RALGPS2: variants seen among roughly 807,000 people sequenced by gnomAD.
RALGPS2 encodes the protein Ral GEF with PH domain and SH3 binding motif 2.
Under a neutral mutation model 86.8 loss-of-function variants are expected in RALGPS2, and 43 were observed. The ratio of observed to expected loss-of-function variants is 0.50; its 90% CI spans 0.39 to 0.64. The LOEUF is 0.64. Among genes scored for constraint, RALGPS2 ranks in the 30% least tolerant of loss-of-function variants. The pLI, the probability that RALGPS2 is intolerant of heterozygous loss-of-function variation, is 0.00. For synonymous variants in RALGPS2, 243 were observed against 231.3 expected (o/e 1.05, Z -0.46); for missense variants, 536 against 694.6 (o/e 0.77, Z 2.57).
intron 4 of RALGPS2, among the ~76,000 whole-genome samples, chr1:178,794,833 A>G (rs543574140): frequency 6.6e-6 from 1 of 152,308 alleles, no homozygotes; most frequent in South Asian, 2.1e-4. Flanking sequence ...GAGGGTCTCA[A>G]GTATTCATAA....
chr1:178,793,858 A>G (rs1242169912), intron 4 of RALGPS2, among the ~76,000 whole-genome samples: 1 of 152,142 alleles, frequency 6.6e-6, no homozygotes, highest in African/African-American at 2.4e-5. Context: ...TTCTACAGAA[A>G]CAGGAGTTTT....
intron 1 of RALGPS2, chr1:178,747,282 G>C: frequency 6.6e-7 from 1 of 1,518,486 alleles, no homozygotes; most frequent in Admixed American, 1.7e-5. Flanking sequence ...AATGAAGCTG[G>C]TGATTGAGGG....
chr1:178,746,807 C>T, intron 1 of RALGPS2: 1 of 1,036,982 alleles, frequency 9.6e-7, no homozygotes, highest in South Asian at 1.3e-5. Context: ...CCGTAGAACA[C>T]TCTCATTGTT....
intron 4 of RALGPS2, among the ~76,000 whole-genome samples, chr1:178,797,986 A>T (rs1466873469): frequency 1.4e-4 from 6 of 42,848 alleles, no homozygotes; most frequent in Admixed American, 3.3e-4. Context: ...AACAATTTGT[A>T]AAAAAAAAAA....
intron 4 of RALGPS2, among the ~76,000 whole-genome samples, chr1:178,804,649 T>C (rs1463656500): frequency 2.8e-5 from 2 of 72,258 alleles, no homozygotes; most frequent in Non-Finnish European, 5.3e-5. Flanking sequence ...GGTGTATATG[T>C]GCCACATTTT....
intron 6 of RALGPS2, among the ~76,000 whole-genome samples, chr1:178,819,249 G>T (rs7519150): frequency 0.054 from 8,195 of 152,098 alleles, 770 homozygotes; most frequent in African/African-American, 0.19. Context: ...TGCCTCAGCC[G>T]CCGGAAGTGC....
In RALGPS2 at chr1:178,917,245, C is replaced by T. The variant is rs997064446; in HGVS notation, c.*886C>T. 1 of 152,102 alleles carries T rather than the reference C, an allele frequency of 6.6e-6. No homozygotes were observed. Among genetic ancestry groups the T allele is most frequent in the East Asian group, 1.9e-4 (1 of 5,198 alleles). 9.4% of individuals were successfully genotyped at this position (152,102 alleles called of 1,614,324 possible). A position where few individuals can be genotyped will look rare whatever the true frequency, so the allele number is the denominator to read the frequency against. ...CAACCTAAACTTTTCTGAGATTTTA[C>T]AATAATTAGATCTTTTTCCAAGTTA... is the stretch of plus-strand genomic sequence containing the variant. On this transcript the variant is annotated 3_prime_UTR_variant, in exon 20 of 20. Coordinates refer to ENST00000367635, the MANE Select transcript of RALGPS2 (RefSeq NM_152663.5).
rs192494926 is a variant in RALGPS2, at chr1:178,755,088, A to C, written c.-83-21594A>C. Among the ~76,000 whole-genome samples, 560 of 152,302 alleles carry C rather than the reference A, an allele frequency of 3.7e-3. 5 individuals carry two copies. Among genetic ancestry groups the C allele is most frequent in the African/African-American group, 0.012 (507 of 41,576 alleles). Reference sequence around the variant, plus strand: ...GTGCTGAGATTACAGGCATGAGCCAAAGTGCCCGGCCAGTTCACCAGTTTT... The same window carrying C: ...GTGCTGAGATTACAGGCATGAGCCACAGTGCCCGGCCAGTTCACCAGTTTT... On this transcript the variant is annotated intron_variant, in intron 1 of 19. Coordinates refer to ENST00000367635, the MANE Select transcript of RALGPS2 (RefSeq NM_152663.5).
At chr1:178,882,957 G>A (rs1659322955) in intron 10 of RALGPS2, among the ~76,000 whole-genome samples, 1 of 152,190 alleles carries the variant, frequency 6.6e-6, no homozygotes, top group Non-Finnish European at 1.5e-5. Context: ...TAATACATAT[G>A]AAAGTTTCTG....
intron 1 of RALGPS2, among the ~76,000 whole-genome samples, chr1:178,755,950 A>G (rs1651938815): frequency 6.6e-6 from 1 of 152,162 alleles, no homozygotes; most frequent in Admixed American, 6.6e-5. Flanking sequence ...GATGTTGAAC[A>G]TTTTTATATG....
chr1:178,760,768 GT>G (rs112394366), intron 1 of RALGPS2, among the ~76,000 whole-genome samples: 6,495 of 152,052 alleles, frequency 0.043, 486 homozygotes, highest in African/African-American at 0.15. Context: ...ATATGCCTTG[GT>G]GATGTTCATT....
Position 178,838,150 on chromosome 1 carries a change from C to T in RALGPS2, c.607+4600C>T, listed in dbSNP as rs571452098. Reference sequence around the variant, plus strand: ...AGAAACCTCTGCAGACTTAAATGTCCCTGTCTGACAGCTTTGAAGAGAGTA... The same window carrying T: ...AGAAACCTCTGCAGACTTAAATGTCTCTGTCTGACAGCTTTGAAGAGAGTA... On this transcript the variant is annotated intron_variant, in intron 8 of 19. Coordinates refer to ENST00000367635, the MANE Select transcript of RALGPS2 (RefSeq NM_152663.5). Among the ~76,000 whole-genome samples the T allele has an allele frequency of 8.5e-5, 13 of 152,314 alleles. No individual in the cohort carries two copies. The South Asian group carries it at 2.1e-3, about 24-fold the overall frequency.
At chr1:178,789,754 C>T (rs901452279) in intron 4 of RALGPS2, among the ~76,000 whole-genome samples, 1 of 152,088 alleles carries the variant, frequency 6.6e-6, no homozygotes, top group African/African-American at 2.4e-5. Flanking sequence ...GCTTGCCTCT[C>T]CACCAGATTT....
chr1:178,858,952 A>C lies in RALGPS2; in HGVS notation c.608-18546A>C, dbSNP rs3820166. On this transcript the variant is annotated intron_variant, in intron 8 of 19. Transcript: ENST00000367635. ...AGAGCTTTCAAATTATTGGTTACCA[A>C]GTAGGATCTTTTGAGAGGTAAACTT... Among the ~76,000 whole-genome samples the C allele has an allele frequency of 9.2e-5, 14 of 152,356 alleles. No homozygotes were observed. The East Asian group carries it at 1.7e-3, about 19-fold the overall frequency.
At chr1:178,781,744 A>G (rs1341761791) in intron 2 of RALGPS2, among the ~76,000 whole-genome samples, 1 of 152,228 alleles carries the variant, frequency 6.6e-6, no homozygotes, top group Non-Finnish European at 1.5e-5. Context: ...GACAGAATGC[A>G]TCTGGTTATT....
chr1:178,767,317 G>A (rs1350389673), intron 1 of RALGPS2, among the ~76,000 whole-genome samples: 3 of 150,304 alleles, frequency 2.0e-5, no homozygotes, highest in Non-Finnish European at 2.9e-5. Context: ...TCATCCATGT[G>A]GGCTGATATT....
At chr1:178,752,646 T>C (rs981002064) in intron 1 of RALGPS2, among the ~76,000 whole-genome samples, 8 of 152,178 alleles carry the variant, frequency 5.3e-5, no homozygotes, top group Non-Finnish European at 8.8e-5. Flanking sequence ...TATATAGTAA[T>C]GTGAATAAGT....
chr1:178,834,468 T>C (rs1175600772), intron 8 of RALGPS2, among the ~76,000 whole-genome samples: 1 of 152,204 alleles, frequency 6.6e-6, no homozygotes, highest in Non-Finnish European at 1.5e-5. Context: ...TACATGCCCA[T>C]TTAGCTACTA....
chr1:178,841,212 G>A (rs886578212), intron 8 of RALGPS2, among the ~76,000 whole-genome samples: 1 of 151,888 alleles, frequency 6.6e-6, no homozygotes, highest in African/African-American at 2.4e-5. Flanking sequence ...GAGAATTTTA[G>A]ACCAATATCC....
Sources: gnomAD v4.1 joint callset for allele counts (sites outside exome capture counted in the v4.1 genomes callset) on GRCh38, gnomAD v4.1.1 for gene constraint, MANE v1.5 for transcripts, NCBI Gene and HGNC (gene_info 2026-07-23, HGNC 2026-07-21) for gene names.